ARAP2: variants seen among roughly 807,000 people sequenced by gnomAD.
ARAP2 encodes ArfGAP with RhoGAP domain, ankyrin repeat and PH domain 2, also known as arf-GAP with Rho-GAP domain, ANK repeat and PH domain-containing protein 2.
Under a neutral mutation model 194.5 loss-of-function variants are expected in ARAP2, and 148 were observed. That is an observed-to-expected ratio of 0.76 (90% CI 0.67 to 0.87). The LOEUF (loss-of-function observed/expected upper bound fraction) is 0.87, where lower values mean the gene tolerates loss of function less well. Ranked by LOEUF, ARAP2 falls within the 40% of genes least tolerant of loss-of-function variation. The pLI is 0.00. For synonymous variants in ARAP2, 695 were observed against 683.5 expected (o/e 1.02, Z -0.26); for missense variants, 2,128 against 1,989.7 (o/e 1.07, Z -1.32).
At chr4:36,128,334 G>A (rs1370084432) in intron 21 of ARAP2, among the ~76,000 whole-genome samples, 199 bp downstream of exon 21, 2 of 151,886 alleles carry the variant, frequency 1.3e-5, no homozygotes, top group African/African-American at 4.8e-5. Context: ...TTCTCTTGAG[G>A]TAGAGAGAAA....
chr4:36,042,846 C>CTTCTTT (rs1553875218), intron 5 of ARAP2, among the ~76,000 whole-genome samples: 10 of 124,674 alleles, frequency 8.0e-5, no homozygotes, highest in African/African-American at 2.2e-4. Flanking sequence ...TTTTTTTCTT[C>CTTCTTT]TTTTTTTTTT....
chr4:36,043,272 A>G (rs1241693177), intron 5 of ARAP2, among the ~76,000 whole-genome samples: 1 of 152,164 alleles, frequency 6.6e-6, no homozygotes, highest in Non-Finnish European at 1.5e-5. Flanking sequence ...CCCCCAAATA[A>G]AATAATTGTA....
At chr4:36,234,091 T>C (rs1313421471) in intron 1 of ARAP2, among the ~76,000 whole-genome samples, 1 of 152,220 alleles carries the variant, frequency 6.6e-6, no homozygotes, top group East Asian at 1.9e-4. Context: ...CCAGCATCAC[T>C]AGAGAATTGC....
chr4:36,071,336 T>C (rs1159602352), intron 32 of ARAP2, among the ~76,000 whole-genome samples: 1 of 152,184 alleles, frequency 6.6e-6, no homozygotes, highest in Non-Finnish European at 1.5e-5. Flanking sequence ...AAGATATCCA[T>C]GATTTTACAG....
chr4:36,184,228 A>G (rs1482351040), intron 8 of ARAP2, among the ~76,000 whole-genome samples: 1 of 152,048 alleles, frequency 6.6e-6, no homozygotes, highest in Non-Finnish European at 1.5e-5. Context: ...AATAAAACAT[A>G]TTTAGTGTAC....
chr4:36,157,579 TA>T, intron 15 of ARAP2: 2 of 152,196 alleles, frequency 1.3e-5, no homozygotes, highest in Non-Finnish European at 2.9e-5. Context: ...AAATCAGGTG[TA>T]AAATTCTGCT....
rs574637644 is a variant in ARAP2, at chr4:36,150,208, G to A, written c.2897+692C>T. 6.6e-5 allele frequency among the ~76,000 whole-genome samples: 10 copies of A among 152,152 alleles called. No individual in the cohort carries two copies. In the South Asian group the frequency reaches 8.3e-4, roughly 13 times the overall value. On this transcript the variant is annotated intron_variant, in intron 16 of 32. Coordinates refer to ENST00000303965, the MANE Select transcript of ARAP2 (RefSeq NM_015230.4). ...TTGTTTATTTTAATGTGAACAGATC[G>A]TCATAGAATATTCTCCTTTCTTACC...
At chr4:36,088,120 T>C (rs1330323739) in intron 28 of ARAP2, among the ~76,000 whole-genome samples, 1 of 152,156 alleles carries the variant, frequency 6.6e-6, no homozygotes, top group South Asian at 2.1e-4. Context: ...TATTTGTTTT[T>C]AGCAACCTTC....
At chr4:36,101,396 G>GT (rs35050889) in intron 27 of ARAP2, among the ~76,000 whole-genome samples, 15 of 149,988 alleles carry the variant, frequency 1.0e-4, no homozygotes, top group East Asian at 3.9e-4. Flanking sequence ...AAGTACCAGA[G>GT]TTTTTTTTTT....
chr4:36,197,747 C>T (rs1183107538), intron 6 of ARAP2, among the ~76,000 whole-genome samples: 2 of 152,216 alleles, frequency 1.3e-5, no homozygotes, highest in African/African-American at 4.8e-5. Context: ...GCGGGGCAGC[C>T]AGCACAAGGT....
chr4:36,147,706 T>A lies in ARAP2; in HGVS notation c.3041A>T (p.Asp1014Val). 1 of 1,612,306 alleles carries A rather than the reference T, an allele frequency of 6.2e-7. No individual in the cohort carries two copies. Among genetic ancestry groups the A allele is most frequent in the East Asian group, 2.2e-5 (1 of 44,822 alleles). ...GAAGAGTTGACCAATCAAATCATAG[T>A]CAGCTTCTGTTAAGTTTTCAGCAAA... ...PLFAENLTEA[D>V]YDLIGQLFYK... The change falls in exon 18 of 33, where the codon GAC becomes GTC. Residue 1014 changes from aspartate to valine, a missense_variant. Transcript: ENST00000303965.
At chr4:36,211,037 A>C (rs559318295) in intron 5 of ARAP2, among the ~76,000 whole-genome samples, 13 of 152,162 alleles carry the variant, frequency 8.5e-5, no homozygotes, top group Non-Finnish European at 1.6e-4. Flanking sequence ...GACTGGGTAT[A>C]TTCTTCACAT....
intron 1 of ARAP2, among the ~76,000 whole-genome samples, chr4:36,232,580 T>C (rs1751698776): frequency 6.6e-6 from 1 of 152,218 alleles, no homozygotes; most frequent in African/African-American, 2.4e-5. Context: ...TTCACTTTAG[T>C]CCACTCTTGT....
At chr4:36,076,570 T>C (rs958846417) in intron 31 of ARAP2, among the ~76,000 whole-genome samples, 2 of 151,958 alleles carry the variant, frequency 1.3e-5, no homozygotes, top group African/African-American at 4.8e-5. Flanking sequence ...AATTTTGAAA[T>C]GTCCCAGGGC....
Position 36,066,278 on chromosome 4 carries a change from GTTT to G in ARAP2, c.*1626_*1628del, listed in dbSNP as rs1470634088. The G allele has an allele frequency of 6.6e-6, 1 of 152,044 alleles. No homozygotes were observed. Among genetic ancestry groups the G allele is most frequent in the Non-Finnish European group, 1.5e-5 (1 of 67,994 alleles). The allele number at this position is 152,044 out of a possible 1,614,324, so 9.4% of individuals were successfully genotyped here. ...ATTAGAAATAGTATGTTTAAGATTA[GTTT>G]TTCTTTCTAAATAACATGATTTCTT... On this transcript the variant is annotated 3_prime_UTR_variant, in exon 33 of 33. Transcript: ENST00000303965.
chr4:36,078,847 A>T (rs985697707), intron 31 of ARAP2, among the ~76,000 whole-genome samples: 1 of 152,136 alleles, frequency 6.6e-6, no homozygotes, highest in Non-Finnish European at 1.5e-5. Flanking sequence ...TTACCAAAAG[A>T]CTTCAAATCC....
At chr4:36,087,164 A>C (rs1712106421) in intron 28 of ARAP2, among the ~76,000 whole-genome samples, 1 of 152,138 alleles carries the variant, frequency 6.6e-6, no homozygotes, top group Non-Finnish European at 1.5e-5. Context: ...CTATAAAATC[A>C]TTTAAAAAGT....
At chr4:36,204,970 C>T (rs527927364) in intron 6 of ARAP2, among the ~76,000 whole-genome samples, 152 of 120,822 alleles carry the variant, frequency 1.3e-3, no homozygotes, top group Middle Eastern at 0.014. Flanking sequence ...CCTGGGCAAC[C>T]GAGCGAGACT....
chr4:36,113,232 A>T (rs1720478184), intron 26 of ARAP2, among the ~76,000 whole-genome samples: 1 of 151,880 alleles, frequency 6.6e-6, no homozygotes, highest in Non-Finnish European at 1.5e-5. Flanking sequence ...CACGAGGAGG[A>T]TTGAGACCGA....
Sources: allele counts gnomAD v4.1 joint callset (sites outside exome capture counted in the v4.1 genomes callset), GRCh38; gene constraint gnomAD v4.1.1; transcripts MANE v1.5; gene names NCBI Gene and HGNC (gene_info 2026-07-23, HGNC 2026-07-21).